The following ATP8A1 variants were observed in gnomAD, a reference collection of about 807,000 sequenced individuals.
ATP8A1 encodes phospholipid-transporting ATPase IA.
Under a neutral mutation model 177.7 loss-of-function variants are expected in ATP8A1, and 90 were observed. That is an observed-to-expected ratio of 0.51 (90% CI 0.43 to 0.60). The LOEUF is 0.60. ATP8A1 is among the 20% of genes least tolerant of loss of function. ATP8A1 has a pLI of 0.00. For missense variants in ATP8A1, 1,072 were observed against 1,392.8 expected, an observed-to-expected ratio of 0.77 and a Z score of 3.67; for synonymous variants, 493 against 485.9, an observed-to-expected ratio of 1.01 and a Z score of -0.19.
chr4:42,502,266 C>T (rs962529346), intron 24 of ATP8A1, among the ~76,000 whole-genome samples: 25 of 152,170 alleles, frequency 1.6e-4, no homozygotes, highest in African/African-American at 5.3e-4. Flanking sequence ...AGTCCAAGTA[C>T]CTTTGAAGTG....
intron 1 of ATP8A1, among the ~76,000 whole-genome samples, chr4:42,630,881 T>C (rs1042877301): frequency 6.6e-6 from 1 of 152,210 alleles, no homozygotes; most frequent in African/African-American, 2.4e-5. Flanking sequence ...AGTTTCCTAA[T>C]CTGTCAAAGA....
intron 15 of ATP8A1, 25 bp from the exon 16 acceptor site, chr4:42,556,065 AACCCAGT>A: frequency 3.2e-6 from 5 of 1,556,118 alleles, no homozygotes; most frequent in Non-Finnish European, 4.4e-6. Flanking sequence ...AAATAGAGTA[AACCCAGT>A]TCATTTATAC....
At chr4:42,631,848 G>A (rs140901496) in intron 1 of ATP8A1, among the ~76,000 whole-genome samples, 3 of 152,292 alleles carry the variant, frequency 2.0e-5, no homozygotes, top group Non-Finnish European at 4.4e-5. Flanking sequence ...AGAAAGAAAC[G>A]AGAAGGTATA....
At chr4:42,581,195 G>A (rs952803015) in intron 10 of ATP8A1, among the ~76,000 whole-genome samples, 87 of 151,812 alleles carry the variant, frequency 5.7e-4, no homozygotes, top group African/African-American at 1.6e-3. Context: ...GTACAGTGGC[G>A]CGATCTCGGC....
Position 42,474,699 on chromosome 4 carries a change from G to C in ATP8A1, c.2325-9623C>G, listed in dbSNP as rs149142738. Among the ~76,000 whole-genome samples, 3 of 152,202 alleles carry C rather than the reference G, an allele frequency of 2.0e-5. No homozygotes were observed. The East Asian group carries it at 5.8e-4, about 29-fold the overall frequency. ...TAACAAGAGGAGAGCTCAGGTAAAG[G>C]CACTAGGGGAAAACAGGGATTTAAT... On this transcript the variant is annotated intron_variant, in intron 25 of 36. Transcript: ENST00000381668.
At chr4:42,653,294 C>CCGTAG (rs1741293109) in intron 1 of ATP8A1, among the ~76,000 whole-genome samples, 1 of 151,644 alleles carries the variant, frequency 6.6e-6, no homozygotes, top group Non-Finnish European at 1.5e-5. Flanking sequence ...TTCATTTTCC[C>CCGTAG]CATTTGCCAC....
At chr4:42,501,062 C>G (rs1560395024) in intron 24 of ATP8A1, among the ~76,000 whole-genome samples, 2 of 151,994 alleles carry the variant, frequency 1.3e-5, no homozygotes, top group South Asian at 4.2e-4. Context: ...AAAGATTCAG[C>G]TTTTGGATTT....
chr4:42,550,155 A>G (rs1729350992), intron 18 of ATP8A1, among the ~76,000 whole-genome samples: 2 of 150,770 alleles, frequency 1.3e-5, no homozygotes, highest in East Asian at 3.9e-4. Context: ...CTTGAGCTGC[A>G]TAAAAATGAA....
At chr4:42,478,684 G>C (rs1335956373) in intron 25 of ATP8A1, among the ~76,000 whole-genome samples, 1 of 152,144 alleles carries the variant, frequency 6.6e-6, no homozygotes, top group African/African-American at 2.4e-5. Flanking sequence ...CACCTTGCTG[G>C]GGGTTTTCCT....
At chr4:42,655,900 T>C (rs185157362) in intron 1 of ATP8A1, among the ~76,000 whole-genome samples, 5 of 152,294 alleles carry the variant, frequency 3.3e-5, no homozygotes, top group African/African-American at 1.2e-4. Flanking sequence ...GATGGCAAGA[T>C]AGATTTCTGA....
chr4:42,586,540 G>T, intron 8 of ATP8A1, 64 bp from the exon 9 acceptor site: 1 of 1,467,870 alleles, frequency 6.8e-7, no homozygotes, highest in African/African-American at 1.4e-5. Flanking sequence ...CAAAGAGGAG[G>T]AATTTTGAAT....
At chr4:42,581,851 G>A (rs1733117394) in intron 9 of ATP8A1, 119 bp from the exon 10 acceptor site, 1 of 719,802 alleles carries the variant, frequency 1.4e-6, no homozygotes. Flanking sequence ...TTTATTTCTG[G>A]AAAGTAATTT....
At chr4:42,653,149 T>C (rs1420257759) in intron 1 of ATP8A1, among the ~76,000 whole-genome samples, 1 of 152,218 alleles carries the variant, frequency 6.6e-6, no homozygotes. Flanking sequence ...TTGCTCTGGC[T>C]GGAACACCCT....
At chr4:42,580,864 T>C (rs1233794885) in intron 10 of ATP8A1, among the ~76,000 whole-genome samples, 3 of 152,158 alleles carry the variant, frequency 2.0e-5, no homozygotes, top group Admixed American at 6.5e-5. Context: ...ATGGCAAAAA[T>C]AGCCTTACAT....
chr4:42,413,192 G>A (rs1331240215), intron 36 of ATP8A1, among the ~76,000 whole-genome samples, 179 bp from the exon 37 acceptor site: 1 of 152,168 alleles, frequency 6.6e-6, no homozygotes, highest in African/African-American at 2.4e-5. Flanking sequence ...AAAATAAAGA[G>A]TGGGATGATC....
intron 20 of ATP8A1, among the ~76,000 whole-genome samples, chr4:42,525,069 T>C (rs866029604): frequency 6.6e-6 from 1 of 152,260 alleles, no homozygotes; most frequent in Non-Finnish European, 1.5e-5. Context: ...TGAATAAAAC[T>C]GTAGTTATTC....
intron 36 of ATP8A1, 152 bp from the exon 37 acceptor site, chr4:42,413,165 G>C: frequency 1.6e-6 from 1 of 629,712 alleles, no homozygotes; most frequent in Non-Finnish European, 2.8e-6. Context: ...GCCTAGAAAA[G>C]ATACAGACTT....
chr4:42,431,798 C>T (rs1486244513), intron 33 of ATP8A1, among the ~76,000 whole-genome samples: 1 of 152,188 alleles, frequency 6.6e-6, no homozygotes, highest in East Asian at 1.9e-4. Context: ...AACCTATCTG[C>T]CATGGTCTGA....
intron 1 of ATP8A1, among the ~76,000 whole-genome samples, chr4:42,639,020 T>C (rs1254179088): frequency 1.3e-5 from 2 of 152,182 alleles, no homozygotes; most frequent in Non-Finnish European, 2.9e-5. Flanking sequence ...GTCAGATATG[T>C]ATTCTGGATT....
Sources: allele counts gnomAD v4.1 joint callset (sites outside exome capture counted in the v4.1 genomes callset), GRCh38; gene constraint gnomAD v4.1.1; transcripts MANE v1.5; gene names NCBI Gene and HGNC (gene_info 2026-07-23, HGNC 2026-07-21).